The following HCCS variants were observed in gnomAD, a reference collection of about 807,000 sequenced individuals.
The protein encoded by HCCS is holocytochrome c-type synthase.
A neutral mutation model predicts 24.2 loss-of-function variants in HCCS; 2 were observed. That is an observed-to-expected ratio of 0.08 (90% CI 0.03 to 0.26). HCCS has a LOEUF of 0.26. HCCS is among the 10% of genes least tolerant of loss of function. The pLI, the probability that HCCS is intolerant of heterozygous loss-of-function variation, is 1.00. For missense variants in HCCS, 150 were observed against 213.3 expected (o/e 0.70, Z 1.85); for synonymous variants, 73 against 76.2 (o/e 0.96, Z 0.22).
Position 11,117,430 on chromosome X carries a change from T to G in HCCS, c.401+15T>G. The G allele has an allele frequency of 8.4e-7, 1 of 1,191,176 alleles. No individual in the cohort carries two copies. Among genetic ancestry groups the G allele is most frequent in the Non-Finnish European group, 1.1e-6 (1 of 877,236 alleles). On this transcript the variant is annotated intron_variant, in intron 4 of 6. Transcript: ENST00000380762. Reference sequence around the variant, plus strand: ...TTAAAGAAAGGGTGAGTGAACATATTATTTAAGATAAAAATTTCTTGTCAG... The same window carrying G: ...TTAAAGAAAGGGTGAGTGAACATATGATTTAAGATAAAAATTTCTTGTCAG...
intron 5 of HCCS, chrX:11,119,955 T>A (rs73496323): frequency 8.6e-4 from 271 of 316,334 alleles, no homozygotes; most frequent in African/African-American, 6.8e-3. Flanking sequence ...AAACTCATGC[T>A]ATGATCTCCA....
chrX:11,116,243 C>T (rs1448292079), intron 3 of HCCS: 1 of 112,044 alleles, frequency 8.9e-6, no homozygotes, highest in Non-Finnish European at 1.9e-5. Flanking sequence ...ACATTCTCCC[C>T]TTTAATCCTC....
chrX:11,121,839 C>G lies in HCCS; in HGVS notation c.*29C>G. The G allele has an allele frequency of 9.0e-7, 1 of 1,108,067 alleles. No homozygotes were observed. Among genetic ancestry groups the G allele is most frequent in the Non-Finnish European group, 1.2e-6 (1 of 804,022 alleles). The allele number at this position is 1,108,067 out of a possible 1,213,427, so 91.3% of individuals were successfully genotyped here. ...ACTGTTTCAGATGGAAAAATATAAA[C>G]TATTTTTTTCTGAGCGATACATTAA... On this transcript the variant is annotated 3_prime_UTR_variant, in exon 7 of 7. Transcript: ENST00000380762.
Position 11,111,336 on chromosome X carries a change from C to G in HCCS, c.-225C>G, listed in dbSNP as rs1478445469. ...ACGCCGGCGGTGACCGCAGCCACAGCGGTGACCGAGTGAGAGGAAGGCGGC... is the reference window on the plus strand; with the variant it reads ...ACGCCGGCGGTGACCGCAGCCACAGGGGTGACCGAGTGAGAGGAAGGCGGC... On this transcript the variant is annotated 5_prime_UTR_variant, in exon 1 of 7. Coordinates refer to ENST00000380762, the MANE Select transcript of HCCS (RefSeq NM_005333.5). 1 of 160,167 alleles carries G rather than the reference C, an allele frequency of 6.2e-6. No individual in the cohort carries two copies. The highest frequency in any genetic ancestry group is 3.4e-5 in the African/African-American group (1 of 29,179). 13.2% of individuals were successfully genotyped at this position (160,167 alleles called of 1,213,427 possible).
At chrX:11,117,883 C>T (rs2045460796) in intron 4 of HCCS, among the ~76,000 whole-genome samples, 1 of 111,860 alleles carries the variant, frequency 8.9e-6, no homozygotes, top group African/African-American at 3.3e-5. Flanking sequence ...CCCTCTTACT[C>T]ATGGAAGGGT....
At chrX:11,120,323 G>T (rs992974962) in intron 5 of HCCS, among the ~76,000 whole-genome samples, 1 of 111,549 alleles carries the variant, frequency 9.0e-6, no homozygotes, top group Non-Finnish European at 1.9e-5. Flanking sequence ...CAGAGGGCTG[G>T]CACCTAGAGA....
intron 3 of HCCS, chrX:11,116,065 TGTG>T (rs1054502466): frequency 1.8e-5 from 2 of 112,282 alleles, no homozygotes; most frequent in African/African-American, 3.2e-5. Context: ...TAACTTTTCT[TGTG>T]GTCACTTTTT....
At chrX:11,113,143 T>G (rs1286632148) in intron 2 of HCCS, among the ~76,000 whole-genome samples, 1 of 112,608 alleles carries the variant, frequency 8.9e-6, no homozygotes, top group African/African-American at 3.2e-5. Flanking sequence ...ATTTTTTATA[T>G]TAAAGTGTGG....
intron 2 of HCCS, among the ~76,000 whole-genome samples, chrX:11,113,215 T>C (rs1335352299): frequency 8.9e-6 from 1 of 112,083 alleles, no homozygotes; most frequent in Non-Finnish European, 1.9e-5. Context: ...TACTAATGTT[T>C]GCGCTGTTAT....
chrX:11,117,256 A>G lies in HCCS; in HGVS notation c.253-11A>G. 4.1e-6 allele frequency: 5 copies of G among 1,205,975 alleles called. No individual in the cohort carries two copies. Among genetic ancestry groups the G allele is most frequent in the Non-Finnish European group, 5.6e-6 (5 of 890,210 alleles). ...ATATCCTATAAAAGCAAATCTGTTC[A>G]TTTTATTTAGATGCCACCACCAAAT... On this transcript the variant is annotated splice_polypyrimidine_tract_variant and intron_variant, in intron 3 of 6. Transcript: ENST00000380762.
Position 11,120,994 on chromosome X carries a change from G to GTA in HCCS, c.608+2_608+3insAT. ...GGGCACGAATTCGTTCCTGGATGGG[G>GTA]TGAGTGTCAGCGCAGAAGTGTTGTT... is the stretch of plus-strand genomic sequence containing the variant. On this transcript the variant is annotated splice_donor_variant, in intron 6 of 6. Coordinates refer to ENST00000380762, the MANE Select transcript of HCCS (RefSeq NM_005333.5). LOFTEE classifies it high-confidence loss of function. 1 of 1,187,324 alleles carries GTA rather than the reference G, an allele frequency of 8.4e-7. No homozygotes were observed. Among genetic ancestry groups the GTA allele is most frequent in the African/African-American group, 1.7e-5 (1 of 57,393 alleles).
chrX:11,116,757 C>G (rs1387931283), intron 3 of HCCS, among the ~76,000 whole-genome samples: 2 of 112,520 alleles, frequency 1.8e-5, no homozygotes, highest in Non-Finnish European at 3.7e-5. Context: ...TTCTTCCCAC[C>G]TTCTGACCTC....
At chrX:11,121,201 G>A (rs1039538587) in intron 6 of HCCS, among the ~76,000 whole-genome samples, 6 of 113,022 alleles carry the variant, frequency 5.3e-5, no homozygotes, top group Non-Finnish European at 9.4e-5. Context: ...TCATAGGGTT[G>A]AATGGAGTTA....
chrX:11,113,169 C>T (rs1325096721), intron 2 of HCCS, among the ~76,000 whole-genome samples: 3 of 112,037 alleles, frequency 2.7e-5, no homozygotes, highest in African/African-American at 9.7e-5. Flanking sequence ...ATCAGTAAGT[C>T]GTGAAGGGCA....
chrX:11,114,640 A>C (rs1458147705), intron 2 of HCCS, among the ~76,000 whole-genome samples, 195 bp from the exon 3 acceptor site: 1 of 112,655 alleles, frequency 8.9e-6, no homozygotes, highest in East Asian at 2.8e-4. Context: ...AAGGAAATGT[A>C]AATTTTAGAA....
chrX:11,118,479 T>G, intron 4 of HCCS, 22 bp from the exon 5 acceptor site: 1 of 1,188,901 alleles, frequency 8.4e-7, no homozygotes, highest in African/African-American at 1.7e-5. Context: ...GTTGTCAAAT[T>G]TTACCAAATA....
At chrX:11,115,807 G>C (rs981875306) in intron 3 of HCCS, among the ~76,000 whole-genome samples, 1 of 111,906 alleles carries the variant, frequency 8.9e-6, no homozygotes, top group Non-Finnish European at 1.9e-5. Flanking sequence ...TCTATAAAGG[G>C]CCAGGTAGTA....
At position 11,114,771 on chromosome X, in the gene HCCS, C is replaced by T. The variant is rs907462549; in HGVS notation, c.101-64C>T. The T allele has an allele frequency of 5.9e-6, 6 of 1,018,882 alleles. No homozygotes were observed. In the African/African-American group the frequency reaches 9.3e-5, roughly 16 times the overall value. 84.0% of individuals were successfully genotyped at this position (1,018,882 alleles called of 1,213,427 possible). ...GTCAGAAATTCAGCTCTTTAGTGCTCCAATTGAGAGAGTTAGATGTCCTGC... is the reference window on the plus strand; with the variant it reads ...GTCAGAAATTCAGCTCTTTAGTGCTTCAATTGAGAGAGTTAGATGTCCTGC... On this transcript the variant is annotated intron_variant, in intron 2 of 6. Coordinates refer to ENST00000380762, the MANE Select transcript of HCCS (RefSeq NM_005333.5).
chrX:11,112,046 A>G lies in HCCS; in HGVS notation c.-15A>G, dbSNP rs752237957. 3.0e-5 allele frequency: 35 copies of G among 1,167,488 alleles called. No homozygotes were observed. Among genetic ancestry groups the G allele is most frequent in the Non-Finnish European group, 4.0e-5 (34 of 855,066 alleles). On this transcript the variant is annotated 5_prime_UTR_variant, in exon 2 of 7. Coordinates refer to ENST00000380762, the MANE Select transcript of HCCS (RefSeq NM_005333.5). ...GGAAATTTAAAATTGTTTACAGTCA[A>G]CACTGTTTCCAGCCATGGGTTTGTC...
Sources: gnomAD v4.1 joint callset for allele counts (sites outside exome capture counted in the v4.1 genomes callset) on GRCh38, gnomAD v4.1.1 for gene constraint, MANE v1.5 for transcripts, NCBI Gene and HGNC (gene_info 2026-07-23, HGNC 2026-07-21) for gene names.